Variants in ANKIB1 observed in about 807,000 individuals in gnomAD.
ANKIB1 encodes the protein ankyrin repeat and IBR domain containing 1, also known as ankyrin repeat and IBR domain-containing protein 1.
Under a neutral mutation model 122.1 loss-of-function variants are expected in ANKIB1, and 43 were observed. The ratio of observed to expected loss-of-function variants is 0.35; its 90% CI spans 0.28 to 0.45. The LOEUF is 0.45. Ranked by LOEUF, ANKIB1 falls within the 20% of genes least tolerant of loss-of-function variation. The pLI, the probability that ANKIB1 is intolerant of heterozygous loss-of-function variation, is 1.00. For synonymous variants in ANKIB1, 390 were observed against 442.0 expected, an observed-to-expected ratio of 0.88 and a Z score of 1.48; for missense variants, 992 against 1,329.5, an observed-to-expected ratio of 0.75 and a Z score of 3.95.
Position 92,319,510 on chromosome 7 carries a change from G to A in ANKIB1, c.667G>A (p.Glu223Lys). 1 of 1,597,614 alleles carries A rather than the reference G, an allele frequency of 6.3e-7. No individual in the cohort carries two copies. Among genetic ancestry groups the A allele is most frequent in the Non-Finnish European group, 8.5e-7 (1 of 1,176,060 alleles). Residue 223 changes from glutamate to lysine, a missense_variant and splice_region_variant, in exon 4 of 20, where the codon GAG becomes AAG. Physicochemically the swap from Glu to Lys is moderately conservative, Grantham distance 56 (BLOSUM62 1). Around this residue, in one of 4 missense-constraint regions of ANKIB1, gnomAD observed 521 missense variants for 777.7 expected, o/e 0.67. Coordinates refer to ENST00000265742, the MANE Select transcript of ANKIB1 (RefSeq NM_019004.2). ...TGAATATGCTGCATTAGACAAACGA[G>A]AGGTCAGTTTATTTTTTCTTCTCAG... ...EAEYAALDKREPYEGLRPQDL... is the reference protein window; with the variant it reads ...EAEYAALDKRKPYEGLRPQDL...
At chr7:92,264,466 C>T (rs1414653940) in intron 1 of ANKIB1, among the ~76,000 whole-genome samples, 2 of 151,722 alleles carry the variant, frequency 1.3e-5, no homozygotes, top group South Asian at 2.1e-4. Context: ...GGCGTGTTGT[C>T]GGCTCACCAC....
chr7:92,289,873 G>T (rs755844814), intron 1 of ANKIB1, among the ~76,000 whole-genome samples: 1 of 152,166 alleles, frequency 6.6e-6, no homozygotes, highest in Admixed American at 6.5e-5. Flanking sequence ...CTGGAGTTGG[G>T]TAGCACTATC....
At chr7:92,322,501 T>C (rs1250980859) in intron 4 of ANKIB1, among the ~76,000 whole-genome samples, 2 of 152,132 alleles carry the variant, frequency 1.3e-5, no homozygotes, top group African/African-American at 4.8e-5. Flanking sequence ...ATAATGAGTA[T>C]TTATTGCTAA....
At chr7:92,319,216 A>T in intron 3 of ANKIB1, 114 bp from the exon 4 acceptor site, 1 of 657,456 alleles carries the variant, frequency 1.5e-6, no homozygotes, top group Non-Finnish European at 2.5e-6. Context: ...CATACTGTAC[A>T]TACTGTTGCA....
chr7:92,246,101 C>T lies in ANKIB1; in HGVS notation c.-509C>T, dbSNP rs1426687530. On this transcript the variant is annotated 5_prime_UTR_variant, in exon 1 of 20. Coordinates refer to ENST00000265742, the MANE Select transcript of ANKIB1 (RefSeq NM_019004.2). ...GGGGTGCCAGCGGCTGAGCCGGAGC[C>T]GGAGCCGGAGGCGGGGGAGGGGAAG... 3.5e-6 allele frequency: 1 copy of T among 283,622 alleles called. No individual in the cohort carries two copies. The allele number at this position is 283,622 out of a possible 1,614,324, so 17.6% of individuals were successfully genotyped here. A position where few individuals can be genotyped will look rare whatever the true frequency, so the allele number is the denominator to read the frequency against.
At chr7:92,298,004 C>A (rs1160985016) in intron 2 of ANKIB1, among the ~76,000 whole-genome samples, 5 of 152,104 alleles carry the variant, frequency 3.3e-5, no homozygotes, top group Non-Finnish European at 7.4e-5. Context: ...TCCTTTAAGT[C>A]CTAACTCTGT....
At chr7:92,376,012 C>A (rs533287530) in intron 11 of ANKIB1, among the ~76,000 whole-genome samples, 15 of 152,266 alleles carry the variant, frequency 9.9e-5, no homozygotes, top group Admixed American at 3.3e-4. Context: ...TAAAAGGAAT[C>A]TTTTTTTCTG....
At chr7:92,298,105 ATAT>A (rs922601181) in intron 2 of ANKIB1, among the ~76,000 whole-genome samples, 6 of 151,952 alleles carry the variant, frequency 3.9e-5, no homozygotes, top group African/African-American at 4.8e-5. Flanking sequence ...ATTTAAAATC[ATAT>A]TATTATTATT....
At chr7:92,319,604 G>A (rs1373774727) in intron 4 of ANKIB1, 92 bp downstream of exon 4, 1 of 1,279,834 alleles carries the variant, frequency 7.8e-7, no homozygotes, top group Non-Finnish European at 1.1e-6. Context: ...CTCAGTTTGT[G>A]TGTTCTTCTT....
chr7:92,307,760 T>C (rs1802593315), intron 3 of ANKIB1, 104 bp downstream of exon 3: 3 of 921,578 alleles, frequency 3.3e-6, no homozygotes, highest in East Asian at 6.3e-5. Flanking sequence ...AATTTGGTCA[T>C]TTTTTTTCTC....
chr7:92,351,217 C>A, intron 8 of ANKIB1, 123 bp downstream of exon 8: 2 of 832,596 alleles, frequency 2.4e-6, no homozygotes, highest in Non-Finnish European at 3.3e-6. Context: ...TTGTTAGAAA[C>A]ACTTTATCAG....
chr7:92,366,591 CT>C (rs1184826410), intron 10 of ANKIB1, among the ~76,000 whole-genome samples: 1 of 152,208 alleles, frequency 6.6e-6, no homozygotes, highest in Non-Finnish European at 1.5e-5. Context: ...TGTCTTCAGT[CT>C]TTTGTCTCCT....
At position 92,250,586 on chromosome 7, in the gene ANKIB1, G is replaced by A. The variant is rs576232597; in HGVS notation, c.-91+4067G>A. On this transcript the variant is annotated intron_variant, in intron 1 of 19. Transcript: ENST00000265742. ...AGCTTTTAAAATGTGCTAAAAATGT[G>A]TGTATTCTCCAGGAAGGGTAGAGTA... is the stretch of plus-strand genomic sequence containing the variant. Among the ~76,000 whole-genome samples the A allele has an allele frequency of 2.6e-5, 4 of 152,242 alleles. No individual in the cohort carries two copies. The South Asian group carries it at 8.3e-4, about 32-fold the overall frequency.
At chr7:92,328,903 A>C (rs1011941312) in intron 5 of ANKIB1, among the ~76,000 whole-genome samples, 43 of 148,974 alleles carry the variant, frequency 2.9e-4, no homozygotes, top group African/African-American at 9.8e-4. Context: ...TACCAAAAAA[A>C]CATATATATG....
At chr7:92,330,964 A>G (rs1017337638) in intron 5 of ANKIB1, among the ~76,000 whole-genome samples, 1 of 152,226 alleles carries the variant, frequency 6.6e-6, no homozygotes, top group African/African-American at 2.4e-5. Flanking sequence ...TCATTATGTT[A>G]GGGTTCATAG....
chr7:92,307,806 CTCTT>C, intron 3 of ANKIB1, 150 bp downstream of exon 3: 1 of 346,200 alleles, frequency 2.9e-6, no homozygotes, highest in Non-Finnish European at 4.7e-6. Context: ...AATAAAGGGC[CTCTT>C]TTTTTTTTTT....
At chr7:92,392,434 G>A (rs1804805271) in intron 17 of ANKIB1, 142 bp downstream of exon 17, 3 of 637,194 alleles carry the variant, frequency 4.7e-6, no homozygotes, top group Non-Finnish European at 7.9e-6. Flanking sequence ...CCTTGACAGA[G>A]CCTACATTTA....
chr7:92,332,130 A>T (rs569520749), intron 5 of ANKIB1, among the ~76,000 whole-genome samples: 1 of 152,150 alleles, frequency 6.6e-6, no homozygotes, highest in African/African-American at 2.4e-5. Flanking sequence ...TCATTCCCCT[A>T]TTAGGGCATA....
intron 10 of ANKIB1, among the ~76,000 whole-genome samples, chr7:92,363,491 T>A (rs889012496): frequency 6.6e-6 from 1 of 152,102 alleles, no homozygotes; most frequent in African/African-American, 2.4e-5. Flanking sequence ...ATGCAGAGGC[T>A]AGAGGGAAGC....
Sources: allele counts gnomAD v4.1 joint callset (sites outside exome capture counted in the v4.1 genomes callset), GRCh38; gene constraint gnomAD v4.1.1; regional missense constraint gnomAD v4.1.1; transcripts MANE v1.5; gene names NCBI Gene and HGNC (gene_info 2026-07-23, HGNC 2026-07-21).